DPYD: variants seen among roughly 807,000 people sequenced by gnomAD.
DPYD encodes dihydropyrimidine dehydrogenase.
DPYD carries 109 observed loss-of-function variants against 116.2 expected under a neutral mutation model. The ratio of observed to expected loss-of-function variants is 0.94; its 90% CI spans 0.80 to 1.10. The LOEUF is 1.10. DPYD is among the 50% of genes least tolerant of loss of function. The pLI, the probability that DPYD is intolerant of heterozygous loss-of-function variation, is 0.00. For synonymous variants in DPYD, 440 were observed against 432.0 expected (o/e 1.02, Z -0.23); for missense variants, 1,302 against 1,254.5 (o/e 1.04, Z -0.57).
chr1:97,893,050 T>A (rs376441489), intron 1 of DPYD, among the ~76,000 whole-genome samples: 20 of 151,908 alleles, frequency 1.3e-4, no homozygotes, highest in African/African-American at 4.8e-4. Context: ...GAGTGGTGCA[T>A]GCAGTAAGTG....
At chr1:97,422,473 C>T (rs1349882351) in intron 14 of DPYD, among the ~76,000 whole-genome samples, 1 of 152,046 alleles carries the variant, frequency 6.6e-6, no homozygotes, top group Non-Finnish European at 1.5e-5. Flanking sequence ...TAGGAGAAGA[C>T]CAAGAATGTA....
chr1:97,474,579 C>A (rs1324622798), intron 13 of DPYD, among the ~76,000 whole-genome samples: 1 of 151,674 alleles, frequency 6.6e-6, no homozygotes, highest in Non-Finnish European at 1.5e-5. Flanking sequence ...ATTAATAATT[C>A]ATTTAATAAC....
intron 13 of DPYD, among the ~76,000 whole-genome samples, chr1:97,485,436 A>G (rs1037675535): frequency 6.6e-6 from 1 of 152,176 alleles, no homozygotes. Context: ...TCCTGAGCTC[A>G]GGTGATCCAC....
intron 20 of DPYD, among the ~76,000 whole-genome samples, chr1:97,105,169 T>A (rs547771273): frequency 6.6e-6 from 1 of 152,140 alleles, no homozygotes; most frequent in African/African-American, 2.4e-5. Context: ...TAGGTTGGGA[T>A]TTAGGAAATG....
At chr1:97,297,489 A>G (rs1325501873) in intron 18 of DPYD, among the ~76,000 whole-genome samples, 1 of 152,220 alleles carries the variant, frequency 6.6e-6, no homozygotes, top group Non-Finnish European at 1.5e-5. Context: ...GATGAATAAT[A>G]TCATGAACAG....
intron 18 of DPYD, among the ~76,000 whole-genome samples, chr1:97,238,327 C>T (rs1426451628): frequency 2.0e-5 from 3 of 151,966 alleles, no homozygotes. Flanking sequence ...ATTATAAACC[C>T]AGTTTGATTT....
intron 3 of DPYD, among the ~76,000 whole-genome samples, chr1:97,809,391 T>C (rs1287278738): frequency 6.6e-6 from 1 of 152,144 alleles, no homozygotes; most frequent in Non-Finnish European, 1.5e-5. Flanking sequence ...TTAACCACCC[T>C]CACCACACCT....
intron 8 of DPYD, among the ~76,000 whole-genome samples, chr1:97,625,310 C>CTG (rs1656866458): frequency 6.6e-6 from 1 of 151,862 alleles, no homozygotes. Context: ...GGAAGGATTA[C>CTG]ATGTAAGAAG....
At chr1:97,192,917 T>A in intron 20 of DPYD, 152 bp downstream of exon 20, 2 of 812,664 alleles carry the variant, frequency 2.5e-6, no homozygotes, top group Non-Finnish European at 4.1e-6. Flanking sequence ...ATGGCTGTAA[T>A]CAAGTCTCCT....
At chr1:97,876,351 C>T (rs1671919452) in intron 2 of DPYD, among the ~76,000 whole-genome samples, 1 of 151,904 alleles carries the variant, frequency 6.6e-6, no homozygotes, top group Admixed American at 6.6e-5. Context: ...CAGTGGAAGC[C>T]CTTTGGGCCA....
At chr1:97,846,038 T>G (rs1186243675) in intron 2 of DPYD, among the ~76,000 whole-genome samples, 2 of 152,186 alleles carry the variant, frequency 1.3e-5, no homozygotes, top group Non-Finnish European at 1.5e-5. Flanking sequence ...GCAACTGGCT[T>G]GCCCTGGGCA....
At chr1:97,724,353 T>TAA (rs1663113593) in intron 4 of DPYD, among the ~76,000 whole-genome samples, 1 of 105,388 alleles carries the variant, frequency 9.5e-6, no homozygotes, top group African/African-American at 3.5e-5. Context: ...TGTGTGTGTG[T>TAA]GTGTGTGTGT....
chr1:97,683,546 T>C (rs1367165219), intron 7 of DPYD, among the ~76,000 whole-genome samples: 1 of 151,960 alleles, frequency 6.6e-6, no homozygotes, highest in African/African-American at 2.4e-5. Flanking sequence ...TGCAATATCT[T>C]CATTCATATT....
intron 4 of DPYD, among the ~76,000 whole-genome samples, chr1:97,723,409 A>G (rs1482790894): frequency 1.3e-5 from 2 of 151,554 alleles, no homozygotes; most frequent in African/African-American, 4.8e-5. Context: ...GAATCTAGTT[A>G]CAGTGATCTT....
At chr1:97,440,013 C>T (rs963341930) in intron 14 of DPYD, among the ~76,000 whole-genome samples, 3 of 151,872 alleles carry the variant, frequency 2.0e-5, no homozygotes, top group Admixed American at 1.3e-4. Context: ...CGGTGGCTCA[C>T]GCCTGTAATC....
chr1:97,523,858 T>C, intron 12 of DPYD, among the ~76,000 whole-genome samples: 1 of 152,156 alleles, frequency 6.6e-6, no homozygotes, highest in Non-Finnish European at 1.5e-5. Context: ...AACTATCATT[T>C]AATGCGTATA....
chr1:97,289,301 A>T (rs1665963239), intron 18 of DPYD, among the ~76,000 whole-genome samples: 1 of 152,122 alleles, frequency 6.6e-6, no homozygotes, highest in African/African-American at 2.4e-5. Context: ...TATTCCAATC[A>T]ATAGAAAAAG....
At chr1:97,220,058 A>G (rs1660682517) in intron 19 of DPYD, among the ~76,000 whole-genome samples, 1 of 151,968 alleles carries the variant, frequency 6.6e-6, no homozygotes, top group African/African-American at 2.4e-5. Flanking sequence ...CAATTATTTT[A>G]TCATTGCTAT....
chr1:97,247,449 A>G (rs1318223630), intron 18 of DPYD, among the ~76,000 whole-genome samples: 1 of 152,186 alleles, frequency 6.6e-6, no homozygotes, highest in Non-Finnish European at 1.5e-5. Context: ...CAAGCTGTGC[A>G]TATCTGTGTG....
Sources: allele counts gnomAD v4.1 joint callset (sites outside exome capture counted in the v4.1 genomes callset), GRCh38; gene constraint gnomAD v4.1.1; transcripts MANE v1.5; gene names NCBI Gene and HGNC (gene_info 2026-07-23, HGNC 2026-07-21).